ATRNL1: variants seen among roughly 807,000 people sequenced by gnomAD.
ATRNL1 encodes the protein attractin like 1.
A neutral mutation model predicts 182.7 loss-of-function variants in ATRNL1; 95 were observed. The observed-to-expected ratio is 0.52, with a 90% confidence interval of 0.44 to 0.62. The LOEUF (loss-of-function observed/expected upper bound fraction) is 0.62, where lower values mean the gene tolerates loss of function less well. Among genes scored for constraint, ATRNL1 ranks in the 20% least tolerant of loss-of-function variants. The pLI is 0.00. For missense variants in ATRNL1, 1,471 were observed against 1,679.5 expected (o/e 0.88, Z 2.17); for synonymous variants, 576 against 568.3 (o/e 1.01, Z -0.19).
chr10:115,317,070 T>A (rs1854334415), intron 18 of ATRNL1, among the ~76,000 whole-genome samples: 1 of 152,256 alleles, frequency 6.6e-6, no homozygotes, highest in Non-Finnish European at 1.5e-5. Context: ...AACTGTTTAA[T>A]CCATCTTGAG....
intron 28 of ATRNL1, among the ~76,000 whole-genome samples, chr10:115,942,001 G>C (rs1326034012): frequency 6.6e-6 from 1 of 152,186 alleles, no homozygotes; most frequent in African/African-American, 2.4e-5. Context: ...TATCCTGAAA[G>C]AGCAAATTAC....
chr10:115,634,271 A>G (rs1328336273), intron 26 of ATRNL1, among the ~76,000 whole-genome samples: 2 of 152,166 alleles, frequency 1.3e-5, no homozygotes, highest in African/African-American at 4.8e-5. Flanking sequence ...GTAATGAAAC[A>G]TATTTTCCAC....
chr10:115,738,977 G>T (rs1010893007), intron 27 of ATRNL1, among the ~76,000 whole-genome samples: 3 of 151,746 alleles, frequency 2.0e-5, no homozygotes, highest in Admixed American at 6.6e-5. Flanking sequence ...TATAATTATT[G>T]TATACATCCA....
At chr10:115,889,639 G>A (rs1205347034) in intron 28 of ATRNL1, among the ~76,000 whole-genome samples, 5 of 152,160 alleles carry the variant, frequency 3.3e-5, no homozygotes, top group Admixed American at 3.3e-4. Flanking sequence ...CTGCAGTACA[G>A]GCATTCTTAT....
intron 24 of ATRNL1, among the ~76,000 whole-genome samples, chr10:115,481,424 T>G (rs4612715): frequency 0.42 from 62,628 of 150,338 alleles, 13,836 homozygotes; most frequent in Middle Eastern, 0.53. Flanking sequence ...TTTATGATTG[T>G]ATATTATGCA....
intron 27 of ATRNL1, among the ~76,000 whole-genome samples, chr10:115,842,035 A>G (rs1419877916): frequency 1.3e-5 from 2 of 152,104 alleles, no homozygotes; most frequent in Admixed American, 6.6e-5. Flanking sequence ...TTATTTATAG[A>G]TGAATTCTGA....
At chr10:115,277,842 G>T (rs1852172791) in intron 13 of ATRNL1, among the ~76,000 whole-genome samples, 1 of 152,048 alleles carries the variant, frequency 6.6e-6, no homozygotes, top group Admixed American at 6.5e-5. Context: ...TGCCAGATTA[G>T]TTGAAATATG....
chr10:115,291,148 A>G (rs1191872228), intron 15 of ATRNL1, among the ~76,000 whole-genome samples: 2 of 152,222 alleles, frequency 1.3e-5, no homozygotes, highest in Non-Finnish European at 2.9e-5. Flanking sequence ...TTTTGTTAAA[A>G]GGGAAGTCTT....
At chr10:115,103,325 C>T (rs1554865097) in intron 1 of ATRNL1, among the ~76,000 whole-genome samples, 1 of 152,104 alleles carries the variant, frequency 6.6e-6, no homozygotes, top group Non-Finnish European at 1.5e-5. Context: ...AGATGTGAGC[C>T]ACTGCGCCTG....
At chr10:115,252,263 G>A (rs369177719) in intron 10 of ATRNL1, among the ~76,000 whole-genome samples, 2 of 152,094 alleles carry the variant, frequency 1.3e-5, no homozygotes, top group South Asian at 2.1e-4. Flanking sequence ...TCTTGACCTT[G>A]TGATCTGCCC....
At chr10:115,438,246 C>A (rs1215640873) in intron 21 of ATRNL1, among the ~76,000 whole-genome samples, 1 of 151,946 alleles carries the variant, frequency 6.6e-6, no homozygotes, top group African/African-American at 2.4e-5. Flanking sequence ...TCCTAACATG[C>A]CTGCCATCTT....
At chr10:115,684,420 AAC>A (rs1946152506) in intron 26 of ATRNL1, among the ~76,000 whole-genome samples, 1 of 150,744 alleles carries the variant, frequency 6.6e-6, no homozygotes, top group South Asian at 2.1e-4. Flanking sequence ...TTTTTGTAAT[AAC>A]ATTAGTACAA....
chr10:115,561,704 G>GGTGTGTGTGGGT (rs1853751439), intron 26 of ATRNL1, among the ~76,000 whole-genome samples: 3 of 144,938 alleles, frequency 2.1e-5, no homozygotes, highest in Non-Finnish European at 3.0e-5. Context: ...TGTGTGTGTG[G>GGTGTGTGTGGGT]GTGTGTGTGT....
intron 8 of ATRNL1, among the ~76,000 whole-genome samples, chr10:115,210,826 G>T (rs1415228538): frequency 6.6e-6 from 1 of 151,906 alleles, no homozygotes; most frequent in Non-Finnish European, 1.5e-5. Context: ...ACTTATCACA[G>T]TCTACTGGCA....
Position 115,839,944 on chromosome 10 carries a change from C to A in ATRNL1, c.3904-7933C>A, listed in dbSNP as rs572030183. On this transcript the variant is annotated intron_variant, in intron 27 of 28. Coordinates refer to ENST00000355044, the MANE Select transcript of ATRNL1 (RefSeq NM_207303.4). ...AAGATCTTGATTTTTCTAACTTTCCCAATGGTTTACATCTATCTATTCTAG... is the reference window on the plus strand; with the variant it reads ...AAGATCTTGATTTTTCTAACTTTCCAAATGGTTTACATCTATCTATTCTAG... Among the ~76,000 whole-genome samples the A allele has an allele frequency of 3.0e-4, 46 of 152,252 alleles. 1 individual carries two copies. In the South Asian group the frequency reaches 9.1e-3, roughly 30 times the overall value.
At chr10:115,543,482 C>A (rs1283492906) in intron 25 of ATRNL1, among the ~76,000 whole-genome samples, 4 of 152,084 alleles carry the variant, frequency 2.6e-5, no homozygotes, top group African/African-American at 9.7e-5. Context: ...AACACAATTT[C>A]CCTGTTTCTA....
At chr10:115,577,271 T>C (rs1854773466) in intron 26 of ATRNL1, among the ~76,000 whole-genome samples, 1 of 151,908 alleles carries the variant, frequency 6.6e-6, no homozygotes, top group Non-Finnish European at 1.5e-5. Context: ...AAAATATCTT[T>C]GGAATTTTAA....
intron 20 of ATRNL1, among the ~76,000 whole-genome samples, chr10:115,396,371 A>G (rs1378288565): frequency 1.3e-5 from 2 of 152,098 alleles, no homozygotes; most frequent in Non-Finnish European, 2.9e-5. Flanking sequence ...GGCCAACTTC[A>G]TGGGCACGTG....
chr10:115,505,837 T>G (rs1374403579), intron 24 of ATRNL1, among the ~76,000 whole-genome samples: 2 of 146,212 alleles, frequency 1.4e-5, no homozygotes, highest in African/African-American at 5.5e-5. Context: ...CTTTAAAAAT[T>G]TTTTTAAATC....
Sources: allele counts gnomAD v4.1 joint callset (sites outside exome capture counted in the v4.1 genomes callset), GRCh38; gene constraint gnomAD v4.1.1; transcripts MANE v1.5; gene names NCBI Gene and HGNC (gene_info 2026-07-23, HGNC 2026-07-21).